Variants in OTUD3 observed in about 807,000 individuals in gnomAD.
OTUD3 encodes the protein OTU domain-containing protein 3.
Under a neutral mutation model 46.2 loss-of-function variants are expected in OTUD3, and 24 were observed. The ratio of observed to expected loss-of-function variants is 0.52; its 90% confidence interval spans 0.38 to 0.73. The LOEUF is 0.73. Among genes scored for constraint, OTUD3 ranks in the 30% least tolerant of loss-of-function variants. OTUD3 has a pLI of 0.00. For missense variants in OTUD3, 455 were observed against 523.3 expected (o/e 0.87, Z 1.27); for synonymous variants, 189 against 195.4 (o/e 0.97, Z 0.27).
At position 19,910,667 on chromosome 1, in the gene OTUD3, C is replaced by G. The variant is rs1370399124; in HGVS notation, c.*2921C>G. ...GTTTCTTTATTAAGCTCTGAAAACACTTCCAATGCCAGTTTGATTCTGAGG... is the reference window on the plus strand; with the variant it reads ...GTTTCTTTATTAAGCTCTGAAAACAGTTCCAATGCCAGTTTGATTCTGAGG... On this transcript the variant is annotated 3_prime_UTR_variant, in exon 8 of 8. Transcript: ENST00000375120. The G allele has an allele frequency of 6.6e-6, 1 of 152,380 alleles. No individual in the cohort carries two copies. The highest frequency in any genetic ancestry group is 1.5e-5 in the Non-Finnish European group (1 of 68,042). 9.4% of individuals were successfully genotyped at this position (152,380 alleles called of 1,614,324 possible). A position where few individuals can be genotyped will look rare whatever the true frequency, so the allele number is the denominator to read the frequency against.
chr1:19,892,233 G>A (rs111640838), intron 2 of OTUD3, among the ~76,000 whole-genome samples: 4,800 of 152,222 alleles, frequency 0.032, 113 homozygotes, highest in Non-Finnish European at 0.048. Context: ...TCACTTTGAC[G>A]GCCAGAGCAG....
At chr1:19,902,218 T>C (rs2045599771) in intron 4 of OTUD3, among the ~76,000 whole-genome samples, 1 of 152,200 alleles carries the variant, frequency 6.6e-6, no homozygotes, top group Admixed American at 6.5e-5. Flanking sequence ...TTAAAGTTTT[T>C]TTTCGAGACG....
chr1:19,900,916 G>GTTTT (rs990933093), intron 4 of OTUD3, among the ~76,000 whole-genome samples: 31 of 115,710 alleles, frequency 2.7e-4, no homozygotes, highest in South Asian at 5.7e-4. Flanking sequence ...TTTTTTTTTT[G>GTTTT]TTTTTTTTTT....
intron 3 of OTUD3, among the ~76,000 whole-genome samples, chr1:19,895,448 C>G (rs1440008219): frequency 6.6e-6 from 1 of 152,210 alleles, no homozygotes; most frequent in African/African-American, 2.4e-5. Context: ...GGCCCCCTCC[C>G]CCAATACCCA....
chr1:19,885,497 A>C (rs1179951514), intron 1 of OTUD3, among the ~76,000 whole-genome samples: 1 of 152,226 alleles, frequency 6.6e-6, no homozygotes, highest in Non-Finnish European at 1.5e-5. Context: ...TCTGCCACCC[A>C]GGCTGGAGTG....
chr1:19,882,615 C>A lies in OTUD3; in HGVS notation c.102C>A (p.Ala34=). The A allele has an allele frequency of 6.9e-7, 1 of 1,455,330 alleles. No homozygotes were observed. The highest frequency in any genetic ancestry group is 9.0e-7 in the Non-Finnish European group (1 of 1,106,450). 90.2% of individuals were successfully genotyped at this position (1,455,330 alleles called of 1,614,324 possible). A position where few individuals can be genotyped will look rare whatever the true frequency, so the allele number is the denominator to read the frequency against. The change falls in exon 1 of 8, where the codon GCC becomes GCA. Residue 34 remains alanine, a synonymous_variant. Transcript: ENST00000375120. ...RDERAARRAL[A]KERRNRPESG... ...AGCGGGCGGCGCGCCGGGCCCTGGCCAAGGAGCGGCGGAATCGGCCGGAGT... is the reference window on the plus strand; with the variant it reads ...AGCGGGCGGCGCGCCGGGCCCTGGCAAAGGAGCGGCGGAATCGGCCGGAGT...
At chr1:19,900,244 C>T (rs1333407998) in intron 4 of OTUD3, among the ~76,000 whole-genome samples, 2 of 152,048 alleles carry the variant, frequency 1.3e-5, no homozygotes, top group South Asian at 2.1e-4. Context: ...CACTCTGTCG[C>T]CCAGGCTGGA....
intron 2 of OTUD3, among the ~76,000 whole-genome samples, chr1:19,893,479 A>G (rs1403316395): frequency 6.6e-6 from 1 of 152,214 alleles, no homozygotes. Context: ...GACAGTACAC[A>G]TAGAATATTG....
chr1:19,889,361 A>G (rs923370157), intron 1 of OTUD3, among the ~76,000 whole-genome samples: 9 of 152,150 alleles, frequency 5.9e-5, no homozygotes, highest in Admixed American at 1.3e-4. Context: ...TCTGTTGAAA[A>G]TTCACTTTTC....
At position 19,894,379 on chromosome 1, in the gene OTUD3, G is replaced by A. The variant is rs2045488832; in HGVS notation, c.382G>A (p.Ala128Thr). The change falls in exon 3 of 8, where the codon GCA (alanine) becomes ACA (threonine). Residue 128 changes from alanine (A) to threonine (T), a missense_variant. By Grantham distance (58) the Ala-to-Thr change is moderately conservative. Transcript: ENST00000375120. ...CTATTTCCATGCAGTGGCCAGTTTG[G>A]CAAAGCCTGGTACTTTTGCTGGCAA... Reference protein sequence around the residue: ...IPFEKHVASLAKPGTFAGNDA... With the variant: ...IPFEKHVASLTKPGTFAGNDA... 2 of 1,600,270 alleles carry A rather than the reference G, an allele frequency of 1.2e-6. No individual in the cohort carries two copies. Among genetic ancestry groups the A allele is most frequent in the South Asian group, 2.3e-5 (2 of 88,850 alleles).
At chr1:19,891,400 A>T (rs778631519) in intron 2 of OTUD3, among the ~76,000 whole-genome samples, 7 of 152,208 alleles carry the variant, frequency 4.6e-5, no homozygotes, top group Non-Finnish European at 7.3e-5. Flanking sequence ...AAGAGAATTG[A>T]TCCTTTGTTT....
chr1:19,885,842 T>C (rs960113235), intron 1 of OTUD3, among the ~76,000 whole-genome samples: 2 of 152,232 alleles, frequency 1.3e-5, no homozygotes, highest in South Asian at 4.1e-4. Flanking sequence ...ATCTCTAGCG[T>C]TCCCTGTTTT....
intron 1 of OTUD3, among the ~76,000 whole-genome samples, chr1:19,885,192 C>G (rs2045339738): frequency 6.6e-6 from 1 of 152,116 alleles, no homozygotes; most frequent in Non-Finnish European, 1.5e-5. Context: ...GCTCCAGAAA[C>G]CAGCTTGACT....
chr1:19,904,341 C>CCT lies in OTUD3; in HGVS notation c.682_683dup (p.Arg229Ter). 1 of 1,612,534 alleles carries CCT rather than the reference C, an allele frequency of 6.2e-7. No individual in the cohort carries two copies. Among genetic ancestry groups the CCT allele is most frequent in the Non-Finnish European group, 8.5e-7 (1 of 1,178,866 alleles). On this transcript the variant is annotated frameshift_variant, in exon 5 of 8. Coordinates refer to ENST00000375120, the MANE Select transcript of OTUD3 (RefSeq NM_015207.2). LOFTEE classifies it high-confidence loss of function. ...CAAAGGGAATGGACTCTGAAGACGA[C>CCT]CTGAGAGATGAAGTAGAGGATGCTG... is the stretch of plus-strand genomic sequence containing the variant.
chr1:19,885,465 C>T (rs189359178), intron 1 of OTUD3, among the ~76,000 whole-genome samples: 99 of 152,192 alleles, frequency 6.5e-4, no homozygotes, highest in African/African-American at 2.3e-3. Flanking sequence ...GATTCTTCTA[C>T]CCCCCTCAGA....
chr1:19,897,157 A>G (rs1005261888), intron 3 of OTUD3, among the ~76,000 whole-genome samples: 1 of 152,114 alleles, frequency 6.6e-6, no homozygotes, highest in Admixed American at 6.6e-5. Context: ...AGAGCCTTCA[A>G]ATAGTTAGGG....
rs10492999 is a variant in OTUD3 at position 19,911,267 on chromosome 1, A to G, written c.*3521A>G. On this transcript the variant is annotated 3_prime_UTR_variant, in exon 8 of 8. Coordinates refer to ENST00000375120, the MANE Select transcript of OTUD3 (RefSeq NM_015207.2). ...TCTGATGCCGTTTTTCTGTTTTGCC[A>G]TTCTCATTATTCACAGCTTTCAGAA... 0.058 allele frequency: 8,797 copies of G among 152,244 alleles called. 399 individuals carry two copies. The highest frequency in any genetic ancestry group is 0.11 in the Admixed American group (1,737 of 15,278). The allele number at this position is 152,244 out of a possible 1,614,324, so 9.4% of individuals were successfully genotyped here.
In OTUD3 at chr1:19,909,467, A is replaced by T. The variant is rs1480723420; in HGVS notation, c.*1721A>T. ...AGCTTGAGGCTGTGTTACTCTACTC[A>T]TTCCAAACGAATGAAAGATCTCTGT... is the stretch of plus-strand genomic sequence containing the variant. On this transcript the variant is annotated 3_prime_UTR_variant, in exon 8 of 8. Transcript: ENST00000375120. The T allele has an allele frequency of 6.6e-6, 1 of 152,356 alleles. No homozygotes were observed. The highest frequency in any genetic ancestry group is 1.5e-5 in the Non-Finnish European group (1 of 68,040). 9.4% of individuals were successfully genotyped at this position (152,356 alleles called of 1,614,324 possible).
At chr1:19,902,741 T>C (rs2045607925) in intron 4 of OTUD3, among the ~76,000 whole-genome samples, 1 of 152,190 alleles carries the variant, frequency 6.6e-6, no homozygotes, top group Non-Finnish European at 1.5e-5. Flanking sequence ...TAGTTTTTTG[T>C]TGATTCTCTT....
Sources: gnomAD v4.1 joint callset for allele counts (sites outside exome capture counted in the v4.1 genomes callset) on GRCh38, gnomAD v4.1.1 for gene constraint, MANE v1.5 for transcripts, NCBI Gene and HGNC (gene_info 2026-07-23, HGNC 2026-07-21) for gene names.